Variants in HPSE2 observed in about 807,000 individuals in gnomAD.
HPSE2 encodes inactive heparanase-2.
In HPSE2, 38 loss-of-function variants were observed where a neutral mutation model predicts 60.5. The observed-to-expected ratio is 0.63, with a 90% CI of 0.48 to 0.82. The LOEUF is 0.82. Among genes scored for constraint, HPSE2 ranks in the 40% least tolerant of loss-of-function variants. HPSE2 has a pLI of 0.00. For synonymous variants in HPSE2, 295 were observed against 293.2 expected (o/e 1.01, Z -0.06); for missense variants, 713 against 740.4 (o/e 0.96, Z 0.43).
At chr10:98,562,960 G>C (rs1055491463) in intron 9 of HPSE2, among the ~76,000 whole-genome samples, 2 of 151,802 alleles carry the variant, frequency 1.3e-5, no homozygotes, top group African/African-American at 2.4e-5. Flanking sequence ...ATGGTTCCTG[G>C]GGCTCTGGCT....
chr10:98,557,194 C>T (rs1328047842), intron 9 of HPSE2, among the ~76,000 whole-genome samples: 3 of 151,750 alleles, frequency 2.0e-5, no homozygotes, highest in Admixed American at 1.3e-4. Flanking sequence ...GTCTGCGCAA[C>T]AGAGCAAGAC....
chr10:98,931,443 G>C (rs1954638829), intron 3 of HPSE2, among the ~76,000 whole-genome samples: 1 of 143,966 alleles, frequency 6.9e-6, no homozygotes, highest in Non-Finnish European at 1.5e-5. Context: ...GGTTGTCTTG[G>C]CTATGCAAGC....
At chr10:98,967,127 T>C (rs1955833525) in intron 3 of HPSE2, among the ~76,000 whole-genome samples, 1 of 152,178 alleles carries the variant, frequency 6.6e-6, no homozygotes, top group African/African-American at 2.4e-5. Flanking sequence ...TTTCCGAGCA[T>C]TTAGCTGGCA....
At chr10:98,773,659 A>T (rs1051161145) in intron 3 of HPSE2, among the ~76,000 whole-genome samples, 1 of 152,260 alleles carries the variant, frequency 6.6e-6, no homozygotes, top group Admixed American at 6.5e-5. Context: ...GCACAAGTGC[A>T]TAAGAATGTT....
intron 6 of HPSE2, among the ~76,000 whole-genome samples, chr10:98,657,190 A>T (rs1351395245): frequency 7.1e-6 from 1 of 140,400 alleles, no homozygotes; most frequent in East Asian, 2.2e-4. Flanking sequence ...AGTAACCAGA[A>T]GAGAGGTTGA....
At chr10:99,090,194 C>T (rs1843464190) in intron 3 of HPSE2, among the ~76,000 whole-genome samples, 1 of 152,090 alleles carries the variant, frequency 6.6e-6, no homozygotes, top group African/African-American at 2.4e-5. Context: ...CTGGCTAGTA[C>T]TCAGTATCCT....
intron 3 of HPSE2, among the ~76,000 whole-genome samples, chr10:98,761,480 G>A (rs117816657): frequency 5.1e-4 from 77 of 152,096 alleles, no homozygotes; most frequent in Non-Finnish European, 9.1e-4. Context: ...AGTTCATTAA[G>A]ATCTTTCTTT....
At chr10:98,582,048 C>T (rs1260315275) in intron 9 of HPSE2, among the ~76,000 whole-genome samples, 1 of 152,214 alleles carries the variant, frequency 6.6e-6, no homozygotes, top group African/African-American at 2.4e-5. Flanking sequence ...CAGGACTTCA[C>T]ATCTCCAACT....
At chr10:99,280,827 C>T in the HPSE2 span, among the ~76,000 whole-genome samples, 1 of 152,182 alleles carries the variant, frequency 6.6e-6, no homozygotes, top group Non-Finnish European at 1.5e-5. Context: ...GAACTAGACA[C>T]TTAAATCCCT....
chr10:98,898,268 A>ACCCT (rs535091215), intron 3 of HPSE2, among the ~76,000 whole-genome samples: 18 of 152,086 alleles, frequency 1.2e-4, no homozygotes, highest in Non-Finnish European at 7.4e-5. Context: ...CCACAAAGAA[A>ACCCT]CCCTACATGT....
At chr10:99,094,979 G>A (rs1843669820) in intron 3 of HPSE2, among the ~76,000 whole-genome samples, 1 of 152,034 alleles carries the variant, frequency 6.6e-6, no homozygotes, top group Non-Finnish European at 1.5e-5. Context: ...CTTGAGGTCA[G>A]GAGTTCCAAA....
chr10:98,626,335 T>C (rs1946214253), intron 7 of HPSE2, among the ~76,000 whole-genome samples: 1 of 152,212 alleles, frequency 6.6e-6, no homozygotes, highest in Non-Finnish European at 1.5e-5. Context: ...TCGTTTATTG[T>C]ACATTTGTAT....
chr10:98,958,901 A>G (rs1955577348), intron 3 of HPSE2, among the ~76,000 whole-genome samples: 2 of 152,172 alleles, frequency 1.3e-5, no homozygotes, highest in African/African-American at 2.4e-5. Context: ...AGACTTTTAG[A>G]GTTAGAAAGT....
intron 7 of HPSE2, among the ~76,000 whole-genome samples, chr10:98,639,599 A>G (rs1177886474): frequency 1.3e-5 from 2 of 152,200 alleles, no homozygotes; most frequent in East Asian, 3.8e-4. Flanking sequence ...AATTGCACGC[A>G]GAGTTTTAGC....
intron 3 of HPSE2, among the ~76,000 whole-genome samples, chr10:98,760,701 T>A (rs1173956383): frequency 6.6e-6 from 1 of 152,150 alleles, no homozygotes; most frequent in Admixed American, 6.6e-5. Context: ...GCTTTGCTAG[T>A]ATTTTACTGA....
Position 98,563,308 on chromosome 10 carries a change from G to A in HPSE2, c.1320+51596C>T, listed in dbSNP as rs562274877. Reference sequence around the variant, plus strand: ...ACATTATGCTAAGTCAAAGAACCTAGTTACAAAAGACCATATCTTGTATGA... The same window carrying A: ...ACATTATGCTAAGTCAAAGAACCTAATTACAAAAGACCATATCTTGTATGA... On this transcript the variant is annotated intron_variant, in intron 9 of 11. Coordinates refer to ENST00000370552, the MANE Select transcript of HPSE2 (RefSeq NM_021828.5). Among the ~76,000 whole-genome samples, 3 of 151,914 alleles carry A rather than the reference G, an allele frequency of 2.0e-5. No homozygotes were observed. The East Asian group carries it at 5.8e-4, about 29-fold the overall frequency.
intron 3 of HPSE2, among the ~76,000 whole-genome samples, chr10:98,904,603 C>T (rs1313984152): frequency 6.6e-6 from 1 of 152,082 alleles, no homozygotes; most frequent in African/African-American, 2.4e-5. Flanking sequence ...CAAATTAGGA[C>T]CTAAGCATCT....
At chr10:99,047,372 G>A (rs1223669576) in intron 3 of HPSE2, among the ~76,000 whole-genome samples, 1 of 152,056 alleles carries the variant, frequency 6.6e-6, no homozygotes, top group African/African-American at 2.4e-5. Flanking sequence ...AAAAATCCTA[G>A]AAGAAAACCT....
the HPSE2 span, among the ~76,000 whole-genome samples, chr10:99,257,470 C>T: frequency 2.0e-5 from 3 of 152,090 alleles, no homozygotes; most frequent in Admixed American, 6.6e-5. Context: ...CTTTTATGGT[C>T]GAAGCTGTAG....
Sources: allele counts gnomAD v4.1 joint callset (sites outside exome capture counted in the v4.1 genomes callset), GRCh38; gene constraint gnomAD v4.1.1; transcripts MANE v1.5; gene names NCBI Gene and HGNC (gene_info 2026-07-23, HGNC 2026-07-21).